The following ARPC1A variants were observed in gnomAD, a reference collection of about 807,000 sequenced individuals.
The protein encoded by ARPC1A is actin-related protein 2/3 complex subunit 1A.
ARPC1A carries 8 observed loss-of-function variants against 46.9 expected under a neutral mutation model. The observed-to-expected ratio is 0.17, with a 90% CI of 0.10 to 0.31. ARPC1A has a LOEUF of 0.31. ARPC1A is among the 10% of genes least tolerant of loss of function. The pLI, the probability that ARPC1A is intolerant of heterozygous loss-of-function variation, is 1.00. For synonymous variants in ARPC1A, 152 were observed against 169.0 expected (o/e 0.90, Z 0.78); for missense variants, 286 against 483.6 (o/e 0.59, Z 3.83).
chr7:99,364,464 G>A (rs1793795401), intron 9 of ARPC1A, among the ~76,000 whole-genome samples: 1 of 151,500 alleles, frequency 6.6e-6, no homozygotes, highest in South Asian at 2.1e-4. Flanking sequence ...TAGAGATGGG[G>A]TTTCTCCACG....
At chr7:99,346,435 A>G (rs1372056477) in intron 4 of ARPC1A, among the ~76,000 whole-genome samples, 3 of 152,186 alleles carry the variant, frequency 2.0e-5, no homozygotes, top group Non-Finnish European at 4.4e-5. Context: ...TTTTCTTCCA[A>G]GTTAAGCTTC....
chr7:99,352,074 G>A (rs762978175), intron 5 of ARPC1A, among the ~76,000 whole-genome samples: 61 of 152,266 alleles, frequency 4.0e-4, no homozygotes, highest in Admixed American at 9.2e-4. Context: ...TTCTCTTGGG[G>A]TATGTCTTTA....
At chr7:99,360,721 C>T (rs1263950424) in intron 8 of ARPC1A, among the ~76,000 whole-genome samples, 1 of 152,096 alleles carries the variant, frequency 6.6e-6, no homozygotes, top group Non-Finnish European at 1.5e-5. Flanking sequence ...AGGCAGATCA[C>T]TTGAGGTCAG....
chr7:99,333,095 C>T (rs968290866), intron 1 of ARPC1A, among the ~76,000 whole-genome samples: 4 of 152,138 alleles, frequency 2.6e-5, no homozygotes, highest in Non-Finnish European at 5.9e-5. Flanking sequence ...CTGGGTTTCA[C>T]CAGGTTGGCC....
intron 6 of ARPC1A, among the ~76,000 whole-genome samples, chr7:99,357,465 C>T (rs181515921): frequency 4.6e-5 from 7 of 151,732 alleles, no homozygotes; most frequent in South Asian, 2.1e-4. Flanking sequence ...GAGCCACAGA[C>T]GTGCACCACC....
chr7:99,329,022 A>T (rs149826339), intron 1 of ARPC1A, among the ~76,000 whole-genome samples: 2 of 151,236 alleles, frequency 1.3e-5, no homozygotes, highest in Non-Finnish European at 1.5e-5. Flanking sequence ...GATGAGGGGC[A>T]GGGCGCGGTG....
In ARPC1A at chr7:99,338,164, T is replaced by G. The variant is rs142244765; in HGVS notation, c.65-17T>G. The G allele has an allele frequency of 4.9e-3, 7,747 of 1,573,818 alleles. 44 individuals are homozygous for G. Among genetic ancestry groups the G allele is most frequent in the Non-Finnish European group, 4.4e-3 (4,983 of 1,144,526 alleles). Reference sequence around the variant, plus strand: ...TGCAAGTTCAGGTGTTAACTGTTGTTTGACTTGTGTCTCCAGAGATTGCCC... The same window carrying G: ...TGCAAGTTCAGGTGTTAACTGTTGTGTGACTTGTGTCTCCAGAGATTGCCC... On this transcript the variant is annotated splice_polypyrimidine_tract_variant and intron_variant, in intron 2 of 9. Coordinates refer to ENST00000262942, the MANE Select transcript of ARPC1A (RefSeq NM_006409.4).
At position 99,344,588 on chromosome 7, in the gene ARPC1A, A is replaced by G. The variant is rs1793409241; in HGVS notation, c.392+73A>G. 4 of 1,455,742 alleles carry G rather than the reference A, an allele frequency of 2.7e-6. No individual in the cohort carries two copies. The South Asian group carries it at 3.6e-5, about 13-fold the overall frequency. The allele number at this position is 1,455,742 out of a possible 1,614,324, so 90.2% of individuals were successfully genotyped here. A position where few individuals can be genotyped will look rare whatever the true frequency, so the allele number is the denominator to read the frequency against. On this transcript the variant is annotated intron_variant, in intron 4 of 9. Coordinates refer to ENST00000262942, the MANE Select transcript of ARPC1A (RefSeq NM_006409.4). The stretch of plus-strand genomic sequence containing the variant: ...TTGCACTGCTGTGTGAGGGCTCACC[A>G]TAACTCCAGTTTTTCTCATCCGGAG...
At chr7:99,337,593 C>T (rs1436602471) in intron 2 of ARPC1A, among the ~76,000 whole-genome samples, 3 of 151,856 alleles carry the variant, frequency 2.0e-5, no homozygotes, top group Admixed American at 6.6e-5. Flanking sequence ...TTAAAAAGTC[C>T]GTTTTGTGTA....
At chr7:99,335,807 A>T (rs1159872918) in intron 2 of ARPC1A, among the ~76,000 whole-genome samples, 5 of 152,140 alleles carry the variant, frequency 3.3e-5, no homozygotes, top group Non-Finnish European at 7.4e-5. Flanking sequence ...ACAAAAAATT[A>T]GCCCGGTGTG....
intron 3 of ARPC1A, among the ~76,000 whole-genome samples, chr7:99,341,817 T>A (rs1367058947): frequency 6.6e-6 from 1 of 152,080 alleles, no homozygotes; most frequent in Non-Finnish European, 1.5e-5. Context: ...TTTTTAGATC[T>A]GAAATAACTT....
chr7:99,338,363 AC>A, intron 3 of ARPC1A, 78 bp downstream of exon 3: 1 of 896,360 alleles, frequency 1.1e-6, no homozygotes, highest in Non-Finnish European at 1.6e-6. Flanking sequence ...AGCCTAATAA[AC>A]CCAGGTGGCC....
intron 8 of ARPC1A, among the ~76,000 whole-genome samples, chr7:99,362,123 C>T (rs1408646136): frequency 1.3e-5 from 2 of 151,760 alleles, no homozygotes; most frequent in African/African-American, 2.4e-5. Flanking sequence ...GGCAAAACCC[C>T]GTCTCTATTA....
chr7:99,344,372 T>C lies in ARPC1A; in HGVS notation c.249T>C (p.Asp83=). 1 of 1,614,004 alleles carries C rather than the reference T, an allele frequency of 6.2e-7. No homozygotes were observed. Among genetic ancestry groups the C allele is most frequent in the African/African-American group, 1.3e-5 (1 of 75,046 alleles). ...ATGCCTATGTCTGGAGTCAGAAAGA[T>C]GGTGTTTGGAAGCCAACCCTGGTGA... The part of the protein sequence containing the change: ...DRNAYVWSQK[D]GVWKPTLVIL... Residue 83 remains aspartate, a synonymous_variant, in exon 4 of 10, where the codon GAT becomes GAC. Transcript: ENST00000262942.
intron 8 of ARPC1A, among the ~76,000 whole-genome samples, chr7:99,363,017 G>C (rs1394266860): frequency 6.6e-6 from 1 of 152,076 alleles, no homozygotes; most frequent in South Asian, 2.1e-4. Context: ...GCTTCATCAT[G>C]CCTCTGGTTT....
chr7:99,337,470 T>G (rs779254465), intron 2 of ARPC1A, among the ~76,000 whole-genome samples: 3 of 152,116 alleles, frequency 2.0e-5, no homozygotes, highest in Non-Finnish European at 4.4e-5. Context: ...CCAGAGAGCA[T>G]TGCGTTTGAG....
intron 3 of ARPC1A, among the ~76,000 whole-genome samples, chr7:99,339,061 G>T (rs1413702407): frequency 6.6e-6 from 1 of 152,040 alleles, no homozygotes; most frequent in Non-Finnish European, 1.5e-5. Flanking sequence ...TTTTCCCTGT[G>T]CCAGGAAGTA....
At chr7:99,334,916 C>T (rs893863354) in intron 2 of ARPC1A, among the ~76,000 whole-genome samples, 30 of 152,116 alleles carry the variant, frequency 2.0e-4, no homozygotes, top group Non-Finnish European at 3.7e-4. Context: ...CAATCTTGGC[C>T]CACTGCAAGC....
intron 2 of ARPC1A, among the ~76,000 whole-genome samples, 164 bp from the exon 3 acceptor site, chr7:99,338,017 G>T (rs904555502): frequency 1.3e-5 from 2 of 151,606 alleles, no homozygotes; most frequent in Admixed American, 6.6e-5. Flanking sequence ...CCAAGTAAAG[G>T]TTAAAAAAAA....
Sources: gnomAD v4.1 joint callset for allele counts (sites outside exome capture counted in the v4.1 genomes callset) on GRCh38, gnomAD v4.1.1 for gene constraint, MANE v1.5 for transcripts, NCBI Gene and HGNC (gene_info 2026-07-23, HGNC 2026-07-21) for gene names.